The following HSD17B11 variants were observed in gnomAD, a reference collection of about 807,000 sequenced individuals.
HSD17B11 encodes hydroxysteroid 17-beta dehydrogenase 11.
HSD17B11 carries 22 observed loss-of-function variants against 27.8 expected under a neutral mutation model. The observed-to-expected ratio is 0.79, with a 90% CI of 0.56 to 1.13. The LOEUF (loss-of-function observed/expected upper bound fraction) is 1.13, where lower values mean the gene tolerates loss of function less well. Among genes scored for constraint, HSD17B11 ranks in the 50% most tolerant of loss-of-function variants. The pLI, the probability that HSD17B11 is intolerant of heterozygous loss-of-function variation, is 0.00. For synonymous variants in HSD17B11, 117 were observed against 132.8 expected, an observed-to-expected ratio of 0.88 and a Z score of 0.82; for missense variants, 314 against 351.1, an observed-to-expected ratio of 0.89 and a Z score of 0.84.
chr4:87,374,580 C>T (rs1735782065), intron 3 of HSD17B11, 119 bp downstream of exon 3: 1 of 875,476 alleles, frequency 1.1e-6, no homozygotes, highest in African/African-American at 1.7e-5. Context: ...ATAATGTTAT[C>T]CCTGGTGCCT....
chr4:87,378,915 T>A (rs1228877638), intron 2 of HSD17B11, among the ~76,000 whole-genome samples: 17 of 14,094 alleles, frequency 1.2e-3, no homozygotes, highest in African/African-American at 5.8e-3. Flanking sequence ...AATATATATA[T>A]ATAAATATAT....
intron 4 of HSD17B11, among the ~76,000 whole-genome samples, chr4:87,369,874 T>A (rs1735677220): frequency 6.6e-6 from 1 of 152,236 alleles, no homozygotes; most frequent in Non-Finnish European, 1.5e-5. Flanking sequence ...TAGCTAATTG[T>A]TTTCTTTTAA....
At chr4:87,388,630 C>T (rs1720378606) in intron 1 of HSD17B11, among the ~76,000 whole-genome samples, 1 of 152,198 alleles carries the variant, frequency 6.6e-6, no homozygotes, top group Non-Finnish European at 1.5e-5. Flanking sequence ...TCTACTTTCA[C>T]CTTTTATTTT....
At chr4:87,365,169 C>CA (rs1451034416) in intron 4 of HSD17B11, among the ~76,000 whole-genome samples, 18 of 148,450 alleles carry the variant, frequency 1.2e-4, no homozygotes, top group South Asian at 2.1e-4. Flanking sequence ...AACTTTGTCT[C>CA]AAAAAAAAAG....
intron 4 of HSD17B11, among the ~76,000 whole-genome samples, chr4:87,358,048 G>T (rs1004647556): frequency 1.5e-5 from 2 of 130,048 alleles, no homozygotes; most frequent in Non-Finnish European, 3.1e-5. Flanking sequence ...TGCAAGCTCC[G>T]CCTCCCGGGT....
intron 4 of HSD17B11, among the ~76,000 whole-genome samples, chr4:87,369,017 T>C (rs980169507): frequency 6.6e-6 from 1 of 152,234 alleles, no homozygotes; most frequent in African/African-American, 2.4e-5. Context: ...CTTTGCACTG[T>C]GGACTCACCC....
intron 1 of HSD17B11, among the ~76,000 whole-genome samples, chr4:87,383,751 T>C (rs1720233107): frequency 6.6e-6 from 1 of 151,934 alleles, no homozygotes; most frequent in African/African-American, 2.4e-5. Context: ...TTTGCCTTTT[T>C]TTTTTTTTAA....
At position 87,379,165 on chromosome 4, in the gene HSD17B11, C is replaced by T. The variant is rs192890800; in HGVS notation, c.318+3090G>A. On this transcript the variant is annotated intron_variant, in intron 2 of 6. Transcript: ENST00000358290. ...AGAGACAGGGTTTCATCATATTGGC[C>T]AGGCTGGTCTTGAACTCCTGACTTC... 1.2e-4 allele frequency among the ~76,000 whole-genome samples: 18 copies of T among 148,424 alleles called. 1 individual carries two copies. The highest frequency in any genetic ancestry group is 4.4e-4 in the African/African-American group (18 of 40,646).
chr4:87,364,809 G>C (rs543718694), intron 4 of HSD17B11, among the ~76,000 whole-genome samples: 6 of 152,318 alleles, frequency 3.9e-5, no homozygotes, highest in South Asian at 2.1e-4. Context: ...TTTAGCCCTA[G>C]AAATGCATGC....
chr4:87,378,730 C>T (rs114612993), intron 2 of HSD17B11, among the ~76,000 whole-genome samples: 55 of 139,068 alleles, frequency 4.0e-4, no homozygotes, highest in Non-Finnish European at 5.9e-4. Context: ...TCCAAGAGTT[C>T]GATTATTTTA....
At chr4:87,390,698 CA>C (rs1720435120) in intron 1 of HSD17B11, among the ~76,000 whole-genome samples, 162 bp downstream of exon 1, 1 of 152,068 alleles carries the variant, frequency 6.6e-6, no homozygotes, top group South Asian at 2.1e-4. Context: ...ATCATGTGAT[CA>C]TACAACATAT....
chr4:87,389,073 G>A (rs778704481), intron 1 of HSD17B11, among the ~76,000 whole-genome samples: 32 of 152,136 alleles, frequency 2.1e-4, no homozygotes, highest in Non-Finnish European at 4.0e-4. Flanking sequence ...CTGTGGAAAC[G>A]TTGAGTAAGT....
intron 1 of HSD17B11, among the ~76,000 whole-genome samples, chr4:87,389,619 C>A (rs1394088146): frequency 6.6e-6 from 1 of 152,216 alleles, no homozygotes; most frequent in Non-Finnish European, 1.5e-5. Flanking sequence ...GTCTAAGCAG[C>A]AGACAGTCAT....
chr4:87,360,118 A>C (rs1157288918), intron 4 of HSD17B11, among the ~76,000 whole-genome samples: 1 of 137,778 alleles, frequency 7.3e-6, no homozygotes, highest in Non-Finnish European at 1.6e-5. Context: ...AGTAATTATA[A>C]GGACAGAAAT....
rs1720437896 is a variant in HSD17B11, at chr4:87,390,813, T to C, written c.210+48A>G. ...TGGTTGCCAGCAAAATGCAGACACA[T>C]CCACAAATTAAAGGTACCAGAAAGT... On this transcript the variant is annotated intron_variant, in intron 1 of 6. Transcript: ENST00000358290. 2.0e-6 allele frequency: 3 copies of C among 1,536,092 alleles called. No homozygotes were observed. The South Asian group carries it at 3.4e-5, about 17-fold the overall frequency.
intron 1 of HSD17B11, among the ~76,000 whole-genome samples, chr4:87,387,924 C>T (rs1316762781): frequency 6.6e-6 from 1 of 152,118 alleles, no homozygotes; most frequent in Non-Finnish European, 1.5e-5. Context: ...ACAGTAGTCT[C>T]TTACTTTACT....
intron 2 of HSD17B11, among the ~76,000 whole-genome samples, chr4:87,381,238 A>G (rs1047059905): frequency 4.6e-5 from 7 of 151,520 alleles, no homozygotes; most frequent in African/African-American, 1.7e-4. Flanking sequence ...ATAAACAAAG[A>G]GGTTCTCAAG....
intron 5 of HSD17B11, among the ~76,000 whole-genome samples, chr4:87,343,854 CTT>C (rs1351193567): frequency 6.6e-6 from 1 of 152,044 alleles, no homozygotes; most frequent in African/African-American, 2.4e-5. Context: ...GGCCTCAACT[CTT>C]TAAATCTCAG....
chr4:87,358,501 A>C (rs1020208913), intron 4 of HSD17B11, among the ~76,000 whole-genome samples: 1 of 152,196 alleles, frequency 6.6e-6, no homozygotes, highest in Non-Finnish European at 1.5e-5. Context: ...TTTTAATTTA[A>C]AAAGGGCTTT....
Sources: allele counts gnomAD v4.1 joint callset (sites outside exome capture counted in the v4.1 genomes callset), GRCh38; gene constraint gnomAD v4.1.1; transcripts MANE v1.5; gene names NCBI Gene and HGNC (gene_info 2026-07-23, HGNC 2026-07-21).